Variants in RAB38 observed in about 807,000 individuals in gnomAD.
The protein encoded by RAB38 is ras-related protein Rab-38.
RAB38 carries 15 observed loss-of-function variants against 18.4 expected under a neutral mutation model. That is an observed-to-expected ratio of 0.82 (90% CI 0.55 to 1.26). The LOEUF is 1.26. Ranked by LOEUF, RAB38 falls within the 50% of genes most tolerant of loss-of-function variation. RAB38 has a pLI of 0.00. For missense variants in RAB38, 294 were observed against 267.4 expected, an observed-to-expected ratio of 1.10 and a Z score of -0.69; for synonymous variants, 101 against 104.4, an observed-to-expected ratio of 0.97 and a Z score of 0.20.
the RAB38 span, among the ~76,000 whole-genome samples, chr11:88,059,217 G>A: frequency 6.6e-6 from 1 of 152,154 alleles, no homozygotes; most frequent in Non-Finnish European, 1.5e-5. Flanking sequence ...GATGGGAAGC[G>A]GCAAGCATTC....
the RAB38 span, among the ~76,000 whole-genome samples, chr11:88,021,509 AAAG>A: frequency 6.9e-3 from 1,044 of 152,190 alleles, 8 homozygotes; most frequent in African/African-American, 0.023. Flanking sequence ...CAAAACATTT[AAAG>A]AAGAACTAAT....
the RAB38 span, among the ~76,000 whole-genome samples, chr11:87,947,330 C>T: frequency 6.6e-6 from 1 of 152,014 alleles, no homozygotes; most frequent in Non-Finnish European, 1.5e-5. Context: ...TTCTCCCATT[C>T]TGTAGGCTGC....
chr11:87,921,408 A>T, the RAB38 span, among the ~76,000 whole-genome samples: 2 of 151,836 alleles, frequency 1.3e-5, no homozygotes, highest in African/African-American at 4.8e-5. Flanking sequence ...GTAGGCTTAT[A>T]TGAGTGTTCT....
At chr11:87,838,710 C>T in the RAB38 span, among the ~76,000 whole-genome samples, 1 of 152,156 alleles carries the variant, frequency 6.6e-6, no homozygotes, top group Non-Finnish European at 1.5e-5. Flanking sequence ...GCATTCGTCA[C>T]TTCATATTTC....
the RAB38 span, among the ~76,000 whole-genome samples, chr11:87,880,908 T>A: frequency 5.9e-5 from 9 of 151,868 alleles, no homozygotes; most frequent in Non-Finnish European, 1.3e-4. Flanking sequence ...GAATAAATAT[T>A]ACAGAACTTT....
chr11:87,813,250 G>A, the RAB38 span, among the ~76,000 whole-genome samples: 16 of 152,134 alleles, frequency 1.1e-4, no homozygotes, highest in African/African-American at 2.9e-4. Flanking sequence ...TTGGAAGGCG[G>A]TAAGGAGGAA....
the RAB38 span, among the ~76,000 whole-genome samples, chr11:87,957,851 C>G: frequency 1.3e-5 from 2 of 152,106 alleles, no homozygotes; most frequent in Non-Finnish European, 1.5e-5. Context: ...GCCTACCAAT[C>G]TCCTTCCTAA....
the RAB38 span, among the ~76,000 whole-genome samples, chr11:88,039,035 G>C: frequency 4.6e-5 from 7 of 152,040 alleles, no homozygotes; most frequent in Admixed American, 6.5e-5. Flanking sequence ...AATCAAAGAA[G>C]CAAGTATGAG....
At chr11:87,825,181 G>T in the RAB38 span, among the ~76,000 whole-genome samples, 4 of 152,018 alleles carry the variant, frequency 2.6e-5, no homozygotes, top group Admixed American at 6.6e-5. Flanking sequence ...TAAAATAAAG[G>T]AATTATCAGA....
the RAB38 span, among the ~76,000 whole-genome samples, chr11:88,058,541 GAA>G: frequency 6.6e-6 from 1 of 152,146 alleles, no homozygotes; most frequent in Non-Finnish European, 1.5e-5. Context: ...CCTTCTCTAA[GAA>G]GTGAGGTTTA....
chr11:88,034,339 C>T, the RAB38 span, among the ~76,000 whole-genome samples: 1 of 152,180 alleles, frequency 6.6e-6, no homozygotes, highest in African/African-American at 2.4e-5. Flanking sequence ...TTTGTGTGAG[C>T]ATAAGCTTTT....
At chr11:87,910,709 C>T in the RAB38 span, among the ~76,000 whole-genome samples, 2 of 143,396 alleles carry the variant, frequency 1.4e-5, no homozygotes, top group Non-Finnish European at 1.5e-5. Context: ...GGCACTATCT[C>T]GGCTTACTGC....
At chr11:87,924,074 C>A in the RAB38 span, among the ~76,000 whole-genome samples, 2 of 151,692 alleles carry the variant, frequency 1.3e-5, no homozygotes, top group Non-Finnish European at 1.5e-5. Context: ...AGACACTTGG[C>A]ATTGTTCTAA....
At chr11:87,965,933 G>A in the RAB38 span, among the ~76,000 whole-genome samples, 1 of 152,160 alleles carries the variant, frequency 6.6e-6, no homozygotes, top group Non-Finnish European at 1.5e-5. Context: ...TCTGCCTTAA[G>A]AAAACAATGT....
the RAB38 span, among the ~76,000 whole-genome samples, chr11:87,887,958 A>C: frequency 6.6e-6 from 1 of 151,884 alleles, no homozygotes; most frequent in African/African-American, 2.4e-5. Context: ...TCTCCCCTGT[A>C]CCATCAAGGG....
intron 1 of RAB38, among the ~76,000 whole-genome samples, chr11:88,156,531 A>G (rs55666526): frequency 0.25 from 37,688 of 151,830 alleles, 4,677 homozygotes; most frequent in Admixed American, 0.27. Context: ...ATGAAATCCC[A>G]TCTCTAATAA....
chr11:87,932,135 G>A, the RAB38 span, among the ~76,000 whole-genome samples: 24 of 152,116 alleles, frequency 1.6e-4, no homozygotes, highest in Non-Finnish European at 5.9e-5. Context: ...TTCAAGGGGG[G>A]CAAGGGGAGG....
chr11:88,042,194 G>T, the RAB38 span, among the ~76,000 whole-genome samples: 20 of 152,056 alleles, frequency 1.3e-4, no homozygotes, highest in African/African-American at 4.1e-4. Flanking sequence ...CCTAGGAAAA[G>T]GTAGAAGTCT....
the RAB38 span, among the ~76,000 whole-genome samples, chr11:87,965,040 G>T: frequency 6.6e-6 from 1 of 152,082 alleles, no homozygotes; most frequent in South Asian, 2.1e-4. Flanking sequence ...TGTTATATGG[G>T]ATTGTTTTGT....
Sources: gnomAD v4.1 joint callset for allele counts (sites outside exome capture counted in the v4.1 genomes callset) on GRCh38, gnomAD v4.1.1 for gene constraint, MANE v1.5 for transcripts, NCBI Gene and HGNC (gene_info 2026-07-23, HGNC 2026-07-21) for gene names.